The following IL1RAPL2 variants were observed in gnomAD, a reference collection of about 807,000 sequenced individuals.
The protein encoded by IL1RAPL2 is interleukin 1 receptor accessory protein like 2.
IL1RAPL2 carries 3 observed loss-of-function variants against 44.1 expected under a neutral mutation model. The ratio of observed to expected loss-of-function variants is 0.07; its 90% CI spans 0.03 to 0.18. The LOEUF is 0.18. Among genes scored for constraint, IL1RAPL2 ranks in the 10% least tolerant of loss-of-function variants. The pLI is 1.00. For synonymous variants in IL1RAPL2, 181 were observed against 178.8 expected (o/e 1.01, Z -0.10); for missense variants, 391 against 496.4 (o/e 0.79, Z 2.02).
At chrX:104,680,686 T>G (rs1379718781) in intron 2 of IL1RAPL2, among the ~76,000 whole-genome samples, 1 of 111,751 alleles carries the variant, frequency 8.9e-6, no homozygotes, top group Non-Finnish European at 1.9e-5. Flanking sequence ...TCAGGAGGCC[T>G]GTACCATCCT....
At position 105,524,713 on chromosome X, in the gene IL1RAPL2, GA is replaced by G. The variant is rs2036584176; in HGVS notation, c.772+40330del. 2.7e-5 allele frequency among the ~76,000 whole-genome samples: 3 copies of G among 110,520 alleles called. No homozygotes were observed. In the South Asian group the frequency reaches 1.1e-3, roughly 42 times the overall value. On this transcript the variant is annotated intron_variant, in intron 6 of 10. Coordinates refer to ENST00000372582, the MANE Select transcript of IL1RAPL2 (RefSeq NM_017416.2). ...TATTTTAAAATGTTGCACTTACCAG[GA>G]AAAGAGACAATATTAATTAGAGATT...
chrX:105,075,515 T>C (rs1357481454), intron 2 of IL1RAPL2, among the ~76,000 whole-genome samples: 3 of 111,617 alleles, frequency 2.7e-5, no homozygotes, highest in African/African-American at 9.8e-5. Flanking sequence ...TTTTTAGTTG[T>C]GTCTCTGCCA....
chrX:104,956,587 G>A (rs898462278), intron 2 of IL1RAPL2, among the ~76,000 whole-genome samples: 2 of 108,993 alleles, frequency 1.8e-5, no homozygotes, highest in African/African-American at 6.7e-5. Context: ...GCAGTGAACC[G>A]AGATGCTCCA....
At chrX:105,358,837 G>T (rs997692608) in intron 5 of IL1RAPL2, among the ~76,000 whole-genome samples, 10 of 111,949 alleles carry the variant, frequency 8.9e-5, no homozygotes, top group African/African-American at 3.3e-4. Flanking sequence ...AATGGAGTAA[G>T]TATGAGACTT....
In IL1RAPL2 at chrX:104,751,222, G is replaced by A. The variant is rs985383370; in HGVS notation, c.82+92227G>A. Among the ~76,000 whole-genome samples, 4 of 111,677 alleles carry A rather than the reference G, an allele frequency of 3.6e-5. No individual in the cohort carries two copies. In the Admixed American group the frequency reaches 3.8e-4, roughly 11 times the overall value. On this transcript the variant is annotated intron_variant, in intron 2 of 10. Coordinates refer to ENST00000372582, the MANE Select transcript of IL1RAPL2 (RefSeq NM_017416.2). The stretch of plus-strand genomic sequence containing the variant: ...TGCATGTATATCATAACTCAGAGAT[G>A]TATTTGTTCAGCAAATATTTATTGG...
chrX:104,766,250 C>T (rs1932550533), intron 2 of IL1RAPL2, among the ~76,000 whole-genome samples: 1 of 112,292 alleles, frequency 8.9e-6, no homozygotes, highest in South Asian at 3.7e-4. Flanking sequence ...ATATAGAAAG[C>T]CTGTCATAGA....
intron 2 of IL1RAPL2, among the ~76,000 whole-genome samples, chrX:104,733,013 A>G (rs1931950174): frequency 8.9e-6 from 1 of 111,982 alleles, no homozygotes; most frequent in South Asian, 3.7e-4. Flanking sequence ...AACCTTAAAG[A>G]AAAAAGTAAT....
At chrX:105,753,148 C>A (rs747131573) in intron 9 of IL1RAPL2, among the ~76,000 whole-genome samples, 6 of 110,949 alleles carry the variant, frequency 5.4e-5, no homozygotes, top group Non-Finnish European at 9.4e-5. Context: ...AGGACAGAAC[C>A]AAGAATATGT....
intron 2 of IL1RAPL2, among the ~76,000 whole-genome samples, chrX:104,914,515 T>C (rs1364200886): frequency 1.8e-5 from 2 of 112,072 alleles, no homozygotes; most frequent in African/African-American, 3.2e-5. Flanking sequence ...TATTCTTCTA[T>C]TGTTAATTGA....
intron 2 of IL1RAPL2, among the ~76,000 whole-genome samples, chrX:104,774,630 G>A (rs1932690195): frequency 8.9e-6 from 1 of 112,074 alleles, no homozygotes; most frequent in South Asian, 3.7e-4. Flanking sequence ...TGATATACCA[G>A]AGACGTGATC....
chrX:105,538,884 TAC>T (rs1328047889), intron 6 of IL1RAPL2, among the ~76,000 whole-genome samples: 1 of 111,602 alleles, frequency 9.0e-6, no homozygotes, highest in Non-Finnish European at 1.9e-5. Flanking sequence ...GTAGCATTAC[TAC>T]ACACCAATAA....
At chrX:105,606,569 G>A (rs1445452882) in intron 6 of IL1RAPL2, among the ~76,000 whole-genome samples, 1 of 111,195 alleles carries the variant, frequency 9.0e-6, no homozygotes, top group Non-Finnish European at 1.9e-5. Context: ...CCAAAGGAAA[G>A]GAAATCAATG....
intron 6 of IL1RAPL2, among the ~76,000 whole-genome samples, chrX:105,593,230 A>G (rs1049382597): frequency 9.0e-6 from 1 of 111,595 alleles, no homozygotes; most frequent in Non-Finnish European, 1.9e-5. Context: ...TCTGCTGTTA[A>G]TATTTGTGAC....
At chrX:105,399,448 A>G (rs1160180772) in intron 5 of IL1RAPL2, among the ~76,000 whole-genome samples, 4 of 110,507 alleles carry the variant, frequency 3.6e-5, no homozygotes, top group Non-Finnish European at 7.6e-5. Context: ...TACTCCAAAC[A>G]TATGCTTCTC....
chrX:104,585,202 TTA>T (rs1379670145), intron 1 of IL1RAPL2, among the ~76,000 whole-genome samples: 1 of 60,977 alleles, frequency 1.6e-5, no homozygotes, highest in Non-Finnish European at 2.6e-5. Context: ...TGTATATGTA[TTA>T]TATATACACA....
At chrX:105,642,724 C>A (rs894681175) in intron 6 of IL1RAPL2, among the ~76,000 whole-genome samples, 1 of 112,060 alleles carries the variant, frequency 8.9e-6, no homozygotes, top group South Asian at 3.7e-4. Flanking sequence ...TGGAATTGAC[C>A]ACAGAAGGTT....
At chrX:105,295,488 T>C (rs1363771332) in intron 5 of IL1RAPL2, among the ~76,000 whole-genome samples, 1 of 111,828 alleles carries the variant, frequency 8.9e-6, no homozygotes, top group Non-Finnish European at 1.9e-5. Context: ...GACCTAGACA[T>C]CCCAATCACT....
At chrX:105,527,974 G>A (rs369853855) in intron 6 of IL1RAPL2, among the ~76,000 whole-genome samples, 1 of 111,982 alleles carries the variant, frequency 8.9e-6, no homozygotes, top group Admixed American at 9.5e-5. Context: ...CCTCTTGGAC[G>A]CCACTGGTCT....
intron 6 of IL1RAPL2, among the ~76,000 whole-genome samples, chrX:105,587,111 G>A (rs1452303025): frequency 9.0e-6 from 1 of 111,553 alleles, no homozygotes; most frequent in Non-Finnish European, 1.9e-5. Flanking sequence ...AGTCCTCCCT[G>A]TATTTAAGGC....
Sources: allele counts gnomAD v4.1 joint callset (sites outside exome capture counted in the v4.1 genomes callset), GRCh38; gene constraint gnomAD v4.1.1; transcripts MANE v1.5; gene names NCBI Gene and HGNC (gene_info 2026-07-23, HGNC 2026-07-21).